Variants in SEMA3D observed in about 807,000 individuals in gnomAD.
SEMA3D encodes the protein semaphorin 3D, also known as semaphorin-3D.
A neutral mutation model predicts 100.1 loss-of-function variants in SEMA3D; 84 were observed. That is an observed-to-expected ratio of 0.84 (90% CI 0.70 to 1.01). SEMA3D has a LOEUF of 1.01. SEMA3D is among the 50% of genes least tolerant of loss of function. The pLI, the probability that SEMA3D is intolerant of heterozygous loss-of-function variation, is 0.00. For synonymous variants in SEMA3D, 312 were observed against 320.7 expected (o/e 0.97, Z 0.29); for missense variants, 875 against 934.1 (o/e 0.94, Z 0.82).
chr7:85,001,280 T>TTTTG (rs751778969), intron 18 of SEMA3D, among the ~76,000 whole-genome samples: 1 of 152,104 alleles, frequency 6.6e-6, no homozygotes, highest in East Asian at 1.9e-4. Flanking sequence ...ACCATCAGAG[T>TTTTG]TTTGTTTGTT....
At chr7:85,051,695 T>C (rs1329506622) in intron 9 of SEMA3D, among the ~76,000 whole-genome samples, 1 of 151,974 alleles carries the variant, frequency 6.6e-6, no homozygotes, top group Non-Finnish European at 1.5e-5. Context: ...TGTGCCCCCA[T>C]ATCTCAGAAC....
upstream of SEMA3D, among the ~76,000 whole-genome samples, chr7:85,188,723 C>T (rs1791628805): frequency 6.6e-6 from 1 of 152,056 alleles, no homozygotes; most frequent in South Asian, 2.1e-4. Context: ...CTTTGGATTT[C>T]CCATTTTCCT....
At chr7:85,169,589 G>A (rs1213372205) in intron 1 of SEMA3D, among the ~76,000 whole-genome samples, 1 of 151,782 alleles carries the variant, frequency 6.6e-6, no homozygotes, top group East Asian at 1.9e-4. Context: ...TGCCACCTAA[G>A]AGACTGATTT....
the SEMA3D span, among the ~76,000 whole-genome samples, chr7:85,217,111 T>C: frequency 6.6e-6 from 1 of 152,226 alleles, no homozygotes; most frequent in African/African-American, 2.4e-5. Context: ...AAAGACATAA[T>C]ACAAAGCATT....
chr7:85,129,382 G>A (rs924405729), intron 2 of SEMA3D, among the ~76,000 whole-genome samples: 1 of 151,782 alleles, frequency 6.6e-6, no homozygotes, highest in African/African-American at 2.4e-5. Context: ...ATCTTCATAT[G>A]TATATTTTAA....
the SEMA3D span, among the ~76,000 whole-genome samples, chr7:85,208,125 A>T: frequency 6.9e-6 from 1 of 145,808 alleles, no homozygotes; most frequent in Non-Finnish European, 1.6e-5. Context: ...ACAACATATC[A>T]TATACATATT....
chr7:85,016,592 C>T (rs1349114576), intron 15 of SEMA3D, among the ~76,000 whole-genome samples: 2 of 151,672 alleles, frequency 1.3e-5, no homozygotes, highest in African/African-American at 4.8e-5. Flanking sequence ...TCACTTCTTT[C>T]CTGGATTACT....
Position 85,134,530 on chromosome 7 carries a change from T to A in SEMA3D, c.-40-12599A>T, listed in dbSNP as rs1789805464. Among the ~76,000 whole-genome samples, 7 of 152,050 alleles carry A rather than the reference T, an allele frequency of 4.6e-5. No homozygotes were observed. In the South Asian group the frequency reaches 1.4e-3, roughly 31 times the overall value. On this transcript the variant is annotated intron_variant, in intron 2 of 18. Coordinates refer to ENST00000284136, the MANE Select transcript of SEMA3D (RefSeq NM_001384900.1). ...TCCAAGTGATAAGTAGATCATTCCC[T>A]AAATCTTGCAAGATTTTCATTTGTA...
chr7:85,090,371 C>T (rs560195382), intron 4 of SEMA3D, among the ~76,000 whole-genome samples: 8 of 152,174 alleles, frequency 5.3e-5, no homozygotes, highest in African/African-American at 1.9e-4. Flanking sequence ...CATCCATGAA[C>T]GAGTCGATTG....
At chr7:85,104,153 C>A (rs1439969336) in intron 3 of SEMA3D, among the ~76,000 whole-genome samples, 4 of 152,022 alleles carry the variant, frequency 2.6e-5, no homozygotes, top group African/African-American at 9.7e-5. Context: ...CTTTTGCAGG[C>A]AATGACTGAC....
intron 2 of SEMA3D, among the ~76,000 whole-genome samples, chr7:85,127,089 C>T (rs1341682427): frequency 6.6e-6 from 1 of 152,058 alleles, no homozygotes; most frequent in Non-Finnish European, 1.5e-5. Context: ...GTCTGGAAGG[C>T]CATCTGACTC....
intron 2 of SEMA3D, among the ~76,000 whole-genome samples, chr7:85,135,816 T>C (rs1789848804): frequency 6.6e-6 from 1 of 151,516 alleles, no homozygotes; most frequent in Non-Finnish European, 1.5e-5. Flanking sequence ...GAAAATGATA[T>C]TTCAATGGGA....
intron 2 of SEMA3D, chr7:85,140,899 T>A: frequency 1.5e-6 from 1 of 653,502 alleles, no homozygotes; most frequent in Non-Finnish European, 1.9e-6. Context: ...CATCTTCCTA[T>A]CAACACCTCA....
intron 3 of SEMA3D, among the ~76,000 whole-genome samples, chr7:85,108,248 T>C (rs1788989857): frequency 6.6e-6 from 1 of 152,064 alleles, no homozygotes; most frequent in African/African-American, 2.4e-5. Flanking sequence ...TATACATAAG[T>C]CTAATAAAGC....
intron 9 of SEMA3D, among the ~76,000 whole-genome samples, chr7:85,047,490 T>C (rs1047031307): frequency 7.2e-5 from 11 of 151,866 alleles, no homozygotes. Context: ...AACGTGATTT[T>C]ATCTGTATAT....
chr7:85,109,655 T>C (rs892905369), intron 3 of SEMA3D, among the ~76,000 whole-genome samples: 6 of 152,008 alleles, frequency 3.9e-5, no homozygotes, highest in Non-Finnish European at 7.4e-5. Flanking sequence ...AACTGTATAT[T>C]ACTAGTTCTT....
At chr7:85,127,391 G>A (rs1389936684) in intron 2 of SEMA3D, among the ~76,000 whole-genome samples, 3 of 152,080 alleles carry the variant, frequency 2.0e-5, no homozygotes, top group Admixed American at 6.6e-5. Context: ...GGGTTTGCAT[G>A]CCTTATAGCC....
intron 2 of SEMA3D, among the ~76,000 whole-genome samples, chr7:85,137,370 T>C (rs746268019): frequency 6.6e-6 from 1 of 151,952 alleles, no homozygotes; most frequent in Non-Finnish European, 1.5e-5. Context: ...GGTACATACA[T>C]AGGGGTGTGT....
At chr7:85,148,477 G>A (rs1790277784) in intron 2 of SEMA3D, among the ~76,000 whole-genome samples, 1 of 152,128 alleles carries the variant, frequency 6.6e-6, no homozygotes, top group African/African-American at 2.4e-5. Flanking sequence ...GTCCTTAGCT[G>A]AGAGTAAATA....
Sources: gnomAD v4.1 joint callset for allele counts (sites outside exome capture counted in the v4.1 genomes callset) on GRCh38, gnomAD v4.1.1 for gene constraint, MANE v1.5 for transcripts, NCBI Gene and HGNC (gene_info 2026-07-23, HGNC 2026-07-21) for gene names.